SCAI: variants seen among roughly 807,000 people sequenced by gnomAD.
The protein encoded by SCAI is suppressor of cancer cell invasion.
Under a neutral mutation model 92.2 loss-of-function variants are expected in SCAI, and 24 were observed. The ratio of observed to expected loss-of-function variants is 0.26; its 90% CI spans 0.19 to 0.37. SCAI has a LOEUF of 0.37. Among genes scored for constraint, SCAI ranks in the 10% least tolerant of loss-of-function variants. SCAI has a pLI of 1.00. For missense variants in SCAI, 450 were observed against 736.2 expected (o/e 0.61, Z 4.50); for synonymous variants, 261 against 258.6 (o/e 1.01, Z -0.09).
At position 125,017,794 on chromosome 9, in the gene SCAI, AG is replaced by A. The variant is rs150928206; in HGVS notation, c.861+1004del. Among the ~76,000 whole-genome samples the A allele has an allele frequency of 4.1e-4, 63 of 152,134 alleles. No homozygotes were observed. The East Asian group carries it at 0.012, about 30-fold the overall frequency. ...GAGGCTGAGGCAGGAGGATCACTTG[AG>A]GTCAGGAGTTCAAGACCAGCCTGGC... On this transcript the variant is annotated intron_variant, in intron 9 of 17. Transcript: ENST00000336505.
chr9:125,085,659 T>C (rs968904434), intron 2 of SCAI, among the ~76,000 whole-genome samples: 1 of 152,154 alleles, frequency 6.6e-6, no homozygotes, highest in East Asian at 1.9e-4. Flanking sequence ...TGCACACCTA[T>C]AGTCTCAGCT....
At chr9:124,993,348 G>T (rs930768330) in intron 14 of SCAI, among the ~76,000 whole-genome samples, 3 of 152,178 alleles carry the variant, frequency 2.0e-5, no homozygotes, top group Admixed American at 2.0e-4. Context: ...CAACATTTTG[G>T]GAGGCCAAGG....
intron 13 of SCAI, among the ~76,000 whole-genome samples, chr9:124,996,037 A>G (rs936653647): frequency 1.5e-4 from 23 of 152,196 alleles, no homozygotes; most frequent in African/African-American, 5.3e-4. Flanking sequence ...CAATATCATC[A>G]AACTTCATTA....
intron 2 of SCAI, among the ~76,000 whole-genome samples, chr9:125,085,361 C>A (rs1363300205): frequency 2.0e-5 from 3 of 152,182 alleles, no homozygotes; most frequent in Non-Finnish European, 2.9e-5. Context: ...GTGGCGTGCA[C>A]CTGTAGTCAC....
At chr9:125,113,046 T>C (rs1834961578) in intron 2 of SCAI, among the ~76,000 whole-genome samples, 1 of 152,200 alleles carries the variant, frequency 6.6e-6, no homozygotes, top group Non-Finnish European at 1.5e-5. Flanking sequence ...AAAAACTTAT[T>C]TATGTAGGTA....
intron 2 of SCAI, among the ~76,000 whole-genome samples, chr9:125,108,247 C>A (rs1414890613): frequency 6.6e-6 from 1 of 152,244 alleles, no homozygotes; most frequent in Non-Finnish European, 1.5e-5. Context: ...CTCTGCCCAG[C>A]CGCCACCCCG....
At chr9:125,087,552 A>G (rs535968909) in intron 2 of SCAI, among the ~76,000 whole-genome samples, 3 of 152,252 alleles carry the variant, frequency 2.0e-5, no homozygotes, top group African/African-American at 7.2e-5. Flanking sequence ...TAGAAAAGAG[A>G]AAGTATTGCA....
chr9:125,050,384 G>C (rs1000644977), intron 3 of SCAI, among the ~76,000 whole-genome samples: 2 of 152,056 alleles, frequency 1.3e-5, no homozygotes, highest in Non-Finnish European at 2.9e-5. Flanking sequence ...ACACTCGAAA[G>C]AAAAGAGGTT....
intron 13 of SCAI, among the ~76,000 whole-genome samples, chr9:124,995,311 A>G (rs147025926): frequency 1.1e-4 from 17 of 152,324 alleles, no homozygotes; most frequent in African/African-American, 3.8e-4. Context: ...AAGCTGGCAA[A>G]CAGATACCTG....
chr9:124,942,787 C>A lies in SCAI; in HGVS notation c.*10020G>T, dbSNP rs541677846. 112 of 152,252 alleles carry A rather than the reference C, an allele frequency of 7.4e-4. No individual in the cohort carries two copies. The highest frequency in any genetic ancestry group is 2.6e-3 in the African/African-American group (109 of 41,550). 9.4% of individuals were successfully genotyped at this position (152,252 alleles called of 1,614,324 possible). ...CAACAAAAATCAAATATTCTCTAAT[C>A]TCGTTATTCAATAAACATCAAAACA... is the stretch of plus-strand genomic sequence containing the variant. On this transcript the variant is annotated 3_prime_UTR_variant, in exon 18 of 18. Transcript: ENST00000336505.
chr9:125,094,659 G>A (rs1425110040), intron 2 of SCAI, among the ~76,000 whole-genome samples: 4 of 151,988 alleles, frequency 2.6e-5, no homozygotes, highest in Non-Finnish European at 2.9e-5. Context: ...ACACCACCAC[G>A]CCCAGCTACT....
chr9:125,014,189 G>A (rs1832700386), intron 9 of SCAI, among the ~76,000 whole-genome samples: 1 of 152,194 alleles, frequency 6.6e-6, no homozygotes, highest in African/African-American at 2.4e-5. Flanking sequence ...GGGCAATTAT[G>A]CAGGAGAAGG....
chr9:125,045,262 C>T (rs1009721286), intron 3 of SCAI, among the ~76,000 whole-genome samples: 9 of 152,170 alleles, frequency 5.9e-5, no homozygotes, highest in Non-Finnish European at 1.2e-4. Flanking sequence ...GATGGGGTTT[C>T]GCCATGTTGG....
chr9:124,955,969 T>C (rs890430040), intron 17 of SCAI, among the ~76,000 whole-genome samples: 14 of 152,234 alleles, frequency 9.2e-5, no homozygotes, highest in African/African-American at 3.4e-4. Context: ...AAGGAAGAAA[T>C]AATTCTAATC....
At chr9:125,055,032 T>A (rs954540588) in intron 3 of SCAI, among the ~76,000 whole-genome samples, 105 of 152,144 alleles carry the variant, frequency 6.9e-4, no homozygotes, top group African/African-American at 2.5e-3. Context: ...ATTCACATAA[T>A]TTTTTTAAAA....
intron 3 of SCAI, among the ~76,000 whole-genome samples, chr9:125,031,321 G>A (rs1833070444): frequency 6.6e-6 from 1 of 151,910 alleles, no homozygotes; most frequent in Non-Finnish European, 1.5e-5. Flanking sequence ...GAGTGCAGTG[G>A]CGTGATCTTG....
intron 9 of SCAI, among the ~76,000 whole-genome samples, chr9:125,006,648 C>T (rs192311937): frequency 2.6e-4 from 40 of 152,106 alleles, no homozygotes; most frequent in South Asian, 2.5e-3. Context: ...CACGCCACCA[C>T]GCCCGGCTAA....
intron 2 of SCAI, among the ~76,000 whole-genome samples, chr9:125,124,176 T>C (rs946356374): frequency 1.3e-5 from 2 of 151,934 alleles, no homozygotes; most frequent in African/African-American, 2.4e-5. Context: ...AAACCTGAAA[T>C]GAGACAAAAG....
At chr9:125,097,014 A>G (rs576183683) in intron 2 of SCAI, among the ~76,000 whole-genome samples, 5 of 152,308 alleles carry the variant, frequency 3.3e-5, no homozygotes, top group African/African-American at 1.2e-4. Context: ...AAAGAATTTT[A>G]AAATGGTAGG....
Sources: gnomAD v4.1 joint callset for allele counts (sites outside exome capture counted in the v4.1 genomes callset) on GRCh38, gnomAD v4.1.1 for gene constraint, MANE v1.5 for transcripts, NCBI Gene and HGNC (gene_info 2026-07-23, HGNC 2026-07-21) for gene names.